The following RP1 variants were observed in gnomAD, a reference collection of about 807,000 sequenced individuals.
The protein encoded by RP1 is RP1 axonemal microtubule associated.
In RP1, 16 loss-of-function variants were observed where a neutral mutation model predicts 14.8. That is an observed-to-expected ratio of 1.08 (90% confidence interval 0.73 to 1.65). The LOEUF (loss-of-function observed/expected upper bound fraction) is 1.65. Ranked by LOEUF, RP1 falls within the 40% of genes most tolerant of loss-of-function variation. The pLI is 0.00. For synonymous variants in RP1, 876 were observed against 883.6 expected, an observed-to-expected ratio of 0.99 and a Z score of 0.15; for missense variants, 2,631 against 2,535.0, an observed-to-expected ratio of 1.04 and a Z score of -0.81.
At chr8:54,569,105 A>G (rs1013130471) in intron 1 of RP1, among the ~76,000 whole-genome samples, 2 of 152,264 alleles carry the variant, frequency 1.3e-5, no homozygotes, top group Non-Finnish European at 2.9e-5. Flanking sequence ...AAAAATGCCC[A>G]AAGTTACGTT....
At chr8:54,845,170 G>A (rs1160388496) in intron 25 of RP1, among the ~76,000 whole-genome samples, 1 of 152,212 alleles carries the variant, frequency 6.6e-6, no homozygotes, top group Non-Finnish European at 1.5e-5. Flanking sequence ...AGTTAGGAAG[G>A]AGGAGACAAG....
intron 22 of RP1, among the ~76,000 whole-genome samples, chr8:54,763,864 AC>A (rs1809701069): frequency 6.6e-6 from 1 of 152,154 alleles, no homozygotes. Flanking sequence ...TGCAGTTAAC[AC>A]CTTTAAAGTG....
rs533553092 is a variant in RP1 at position 54,616,421 on chromosome 8, C to G, written c.-13+219C>G. ...GAATGGAACTTCAGTATCAGGAAAT[C>G]AAGTGATTCTAGTTTATTCAAATGA... On this transcript the variant is annotated intron_variant, in intron 1 of 3. Coordinates refer to ENST00000220676, the MANE Select transcript of RP1 (RefSeq NM_006269.2). Among the ~76,000 whole-genome samples the G allele has an allele frequency of 1.3e-4, 20 of 152,296 alleles. No homozygotes were observed. The South Asian group carries it at 1.9e-3, about 14-fold the overall frequency.
exon 28 of RP1, chr8:54,865,896 G>A (rs1812446849): frequency 5.7e-6 from 7 of 1,227,282 alleles, no homozygotes; most frequent in Non-Finnish European, 6.1e-6. Context: ...GCAGTGAAGA[G>A]GTGCTGTTTC....
In RP1 at chr8:54,677,088, T is replaced by C. The variant is rs527374354; in HGVS notation, c.1403-1373T>C. On this transcript the variant is annotated intron_variant, in intron 8 of 22. Coordinates refer to the RP1 transcript ENST00000636932. ...GTTAAAGATTCAATGCTTGGGGTCT[T>C]ATCTAGGATGACTAGCCATACTGGT... Among the ~76,000 whole-genome samples the C allele has an allele frequency of 1.9e-3, 289 of 151,322 alleles. 2 individuals carry two copies. Among genetic ancestry groups the C allele is most frequent in the African/African-American group, 6.7e-3 (278 of 41,202 alleles).
At chr8:54,678,417 C>A in intron 8 of RP1, 1 of 1,442,200 alleles carries the variant, frequency 6.9e-7, no homozygotes, top group East Asian at 2.5e-5. Flanking sequence ...ATTATTAGGC[C>A]ATATTTATTC....
At chr8:54,804,035 T>C (rs975456013) in intron 24 of RP1, among the ~76,000 whole-genome samples, 2 of 151,564 alleles carry the variant, frequency 1.3e-5, no homozygotes, top group African/African-American at 2.4e-5. Flanking sequence ...CCCACTGCAC[T>C]CCAGCCTGGG....
intron 15 of RP1, among the ~76,000 whole-genome samples, chr8:54,719,038 T>C (rs1049339041): frequency 4.6e-5 from 7 of 152,198 alleles, no homozygotes; most frequent in Admixed American, 1.3e-4. Flanking sequence ...ACAGATGGTC[T>C]ATGGTAAGGC....
In RP1 at chr8:54,606,403, G is replaced by A. The variant is rs186228871; in HGVS notation, c.-12-14552G>A. Among the ~76,000 whole-genome samples, 137 of 151,596 alleles carry A rather than the reference G, an allele frequency of 9.0e-4. 1 individual carries two copies. The highest frequency in any genetic ancestry group is 1.5e-3 in the Non-Finnish European group (103 of 67,890). On this transcript the variant is annotated intron_variant, in intron 1 of 22. Transcript: ENST00000636932. ...TCTTCTGGCTTGTAGGGTTTCTGCC[G>A]AGAGATCTGCTGTTACTCTGATGGG...
rs775731489 is a variant in RP1 at position 54,626,178 on chromosome 8, C to T, written c.2296C>T (p.Gln766Ter). ...CCATAGAAATAAATTAAATACTACT[C>T]AAAATTCCAAGGTTCAAGGACTTTT... Reference protein sequence around the residue: ...NFHRNKLNTTQNSKVQGLLTK... With the variant: ...NFHRNKLNTT The change falls in exon 4 of 4, where the codon CAA becomes TAA. Residue 766 changes from glutamine to a stop codon, truncating the protein, a stop_gained. Coordinates refer to ENST00000220676, the MANE Select transcript of RP1 (RefSeq NM_006269.2). LOFTEE classifies it low-confidence loss of function (END_TRUNC). The T allele has an allele frequency of 6.2e-7, 1 of 1,611,048 alleles. No homozygotes were observed. Among genetic ancestry groups the T allele is most frequent in the African/African-American group, 1.3e-5 (1 of 74,750 alleles).
chr8:54,807,621 C>CCTGT (rs1209601557), intron 24 of RP1, among the ~76,000 whole-genome samples: 49 of 149,894 alleles, frequency 3.3e-4, no homozygotes, highest in South Asian at 6.3e-4. Context: ...TCTCTATCTA[C>CCTGT]CTGTCTGTCT....
In RP1 at chr8:54,865,758, G is replaced by A. The variant is rs540170789; in HGVS notation, c.4070-77G>A. ...GTGTACTTAAAAAGGAACATTTGGA[G>A]GACCTATGAATAAAATCACAATGCT... On this transcript the variant is annotated intron_variant, in intron 27 of 28. Transcript: ENST00000637698. The A allele has an allele frequency of 1.5e-5, 7 of 477,650 alleles. No individual in the cohort carries two copies. The Admixed American group carries it at 3.1e-4, about 21-fold the overall frequency. The allele number at this position is 477,650 out of a possible 1,614,324, so 29.6% of individuals were successfully genotyped here.
chr8:54,620,914 A>C, intron 1 of RP1, 41 bp from the exon 2 acceptor site: 1 of 1,583,872 alleles, frequency 6.3e-7, no homozygotes. Context: ...TGTATTCGCT[A>C]TGGTGCTGTG....
chr8:54,605,822 TTAGTTTAAAGTC>T (rs1477287053), intron 1 of RP1, among the ~76,000 whole-genome samples: 15 of 152,202 alleles, frequency 9.9e-5, no homozygotes, highest in Non-Finnish European at 1.6e-4. Flanking sequence ...TTGATCTTTG[TTAGTTTAAAGTC>T]TGTTTTATCC....
At chr8:54,589,016 C>T (rs987479985) in intron 1 of RP1, among the ~76,000 whole-genome samples, 17 of 152,136 alleles carry the variant, frequency 1.1e-4, no homozygotes, top group Non-Finnish European at 4.4e-5. Flanking sequence ...GATTCACTTC[C>T]AGGTGTGTGT....
At chr8:54,642,284 A>G (rs2129322929) in intron 3 of RP1, among the ~76,000 whole-genome samples, 1 of 152,268 alleles carries the variant, frequency 6.6e-6, no homozygotes, top group East Asian at 1.9e-4. Context: ...TGCATTGGTT[A>G]ACTATATATA....
intron 24 of RP1, among the ~76,000 whole-genome samples, chr8:54,819,945 C>T (rs1010575128): frequency 6.6e-6 from 1 of 151,106 alleles, no homozygotes; most frequent in Non-Finnish European, 1.5e-5. Context: ...ACGCAAGATC[C>T]GCGGTGACTA....
Position 54,630,404 on chromosome 8 carries a change from TGAA to T in RP1, c.*53_*55del. The T allele has an allele frequency of 6.2e-7, 1 of 1,606,534 alleles. No homozygotes were observed. The highest frequency in any genetic ancestry group is 8.5e-7 in the Non-Finnish European group (1 of 1,175,754). ...TGTCAATTCATTTTTTCCCATGAGA[TGAA>T]GCACATGTGACGAATACGGACTAGA... is the stretch of plus-strand genomic sequence containing the variant. On this transcript the variant is annotated 3_prime_UTR_variant, in exon 4 of 4. Transcript: ENST00000220676.
intron 1 of RP1, among the ~76,000 whole-genome samples, chr8:54,585,328 T>C (rs191831827): frequency 6.6e-6 from 1 of 152,346 alleles, no homozygotes; most frequent in Non-Finnish European, 1.5e-5. Flanking sequence ...ATTGGCCTCC[T>C]GTCTCTTCTG....
Sources: allele counts gnomAD v4.1 joint callset (sites outside exome capture counted in the v4.1 genomes callset), GRCh38; gene constraint gnomAD v4.1.1; transcripts MANE v1.5; gene names NCBI Gene and HGNC (gene_info 2026-07-23, HGNC 2026-07-21).